Variants in ARHGAP39 observed in about 807,000 individuals in gnomAD.
ARHGAP39 encodes the protein rho GTPase-activating protein 39.
A neutral mutation model predicts 106.9 loss-of-function variants in ARHGAP39; 44 were observed. The observed-to-expected ratio is 0.41, with a 90% CI of 0.32 to 0.53. ARHGAP39 has a LOEUF of 0.53. ARHGAP39 is among the 20% of genes least tolerant of loss of function. ARHGAP39 has a pLI of 0.21. For synonymous variants in ARHGAP39, 768 were observed against 693.2 expected (o/e 1.11, Z -1.69); for missense variants, 1,496 against 1,577.3 (o/e 0.95, Z 0.87).
Position 144,529,189 on chromosome 8 carries a change from G to C in ARHGAP39, c.*1233C>G, listed in dbSNP as rs778609369. ...GAACGGGAGGACGCGCAGGGTCCAT[G>C]TGCACTTTATTCACTCGTGTCGTCG... On this transcript the variant is annotated 3_prime_UTR_variant, in exon 12 of 12. Coordinates refer to ENST00000377307, the MANE Select transcript of ARHGAP39 (RefSeq NM_025251.3). 4.8e-5 allele frequency: 18 copies of C among 371,934 alleles called. No individual in the cohort carries two copies. The highest frequency in any genetic ancestry group is 8.7e-5 in the Non-Finnish European group (18 of 207,700). The allele number at this position is 371,934 out of a possible 1,614,324, so 23.0% of individuals were successfully genotyped here. A position where few individuals can be genotyped will look rare whatever the true frequency, so the allele number is the denominator to read the frequency against.
rs1305046044 is a variant in ARHGAP39, at chr8:144,644,009, T to C, written c.-81-38314A>G. Among the ~76,000 whole-genome samples the C allele has an allele frequency of 6.6e-6, 1 of 152,072 alleles. No homozygotes were observed. The highest frequency in any genetic ancestry group is 2.4e-5 in the African/African-American group (1 of 41,388). On this transcript the variant is annotated intron_variant, in intron 1 of 11. Coordinates refer to ENST00000377307, the MANE Select transcript of ARHGAP39 (RefSeq NM_025251.3). This position sits in a 1 kb window ranked among gnomAD's most constrained non-coding sequence, Gnocchi z 4.8. The stretch of plus-strand genomic sequence containing the variant: ...CGTACACTGCAAGTAAGAACTCACT[T>C]TGGAAAACAGTTTGGCAAAAATCTA...
chr8:144,637,726 G>A (rs1821207353), intron 1 of ARHGAP39, among the ~76,000 whole-genome samples: 1 of 151,078 alleles, frequency 6.6e-6, no homozygotes, highest in Non-Finnish European at 1.5e-5. Flanking sequence ...TTTTTTAGAC[G>A]GTCTTGCTCG....
At chr8:144,537,627 CAGA>C in intron 7 of ARHGAP39, 91 bp downstream of exon 7, 2 of 1,111,572 alleles carry the variant, frequency 1.8e-6, no homozygotes, top group East Asian at 2.4e-5. Flanking sequence ...CCCCCCCGCC[CAGA>C]AGCGGTTAGA....
At position 144,548,815 on chromosome 8, in the gene ARHGAP39, CAG is replaced by C. The variant is rs997982011; in HGVS notation, c.597-328_597-327del. ...AATGTGGGTGCTGTGCGGGTGTCTCCAGAGCTGCCTGAGCCGCCGGGCAGGCT... is the reference window on the plus strand; with the variant it reads ...AATGTGGGTGCTGTGCGGGTGTCTCCAGCTGCCTGAGCCGCCGGGCAGGCT... On this transcript the variant is annotated intron_variant, in intron 4 of 11. Coordinates refer to ENST00000377307, the MANE Select transcript of ARHGAP39 (RefSeq NM_025251.3). The surrounding 1 kb of genome is among the most constrained non-coding windows in gnomAD (Gnocchi z 7.4). 1.3e-5 allele frequency among the ~76,000 whole-genome samples: 2 copies of C among 152,196 alleles called. No individual in the cohort carries two copies. The highest frequency in any genetic ancestry group is 1.3e-4 in the Admixed American group (2 of 15,274).
intron 1 of ARHGAP39, among the ~76,000 whole-genome samples, chr8:144,629,698 A>G (rs1054291156): frequency 6.6e-6 from 1 of 152,228 alleles, no homozygotes; most frequent in Non-Finnish European, 1.5e-5. Context: ...GCCTCTGCCC[A>G]GGGGCCTGGG....
chr8:144,607,913 T>C (rs1030191900), intron 1 of ARHGAP39, among the ~76,000 whole-genome samples: 2 of 152,008 alleles, frequency 1.3e-5, no homozygotes, highest in African/African-American at 4.8e-5. Context: ...TCCCAGCACT[T>C]TGGGAGGCCG....
In ARHGAP39 at chr8:144,547,443, C is replaced by T; in HGVS notation, c.1643G>A (p.Gly548Asp). The T allele has an allele frequency of 6.4e-7, 1 of 1,573,846 alleles. No homozygotes were observed. The highest frequency in any genetic ancestry group is 8.6e-7 in the Non-Finnish European group (1 of 1,166,962). ...RAEGEAEGAR[G>D]AAEPFLAQAR... is the part of the protein sequence containing the mutation. ...CTGCGCCAGGAAGGGCTCGGCCGCG[C>T]CCCGCGCCCCTTCGGCCTCACCTTC... is the stretch of plus-strand genomic sequence containing the variant. The change falls in exon 5 of 12, where the codon GGC (glycine) becomes GAC (aspartate). Residue 548 changes from glycine to aspartate, a missense_variant. Around this residue, in one of 4 missense-constraint regions of ARHGAP39, gnomAD observed 905 missense variants for 816.4 expected, o/e 1.11. Transcript: ENST00000377307. This position sits in a 1 kb window ranked among gnomAD's most constrained non-coding sequence, Gnocchi z 5.2.
intron 3 of ARHGAP39, among the ~76,000 whole-genome samples, chr8:144,561,396 T>TTTCCATCACACCCCA (rs1564848376): frequency 6.7e-6 from 1 of 148,236 alleles, no homozygotes; most frequent in African/African-American, 2.5e-5. Context: ...ACCCCAGTGG[T>TTTCCATCACACCCCA]GTCCATCACA....
chr8:144,695,265 G>A, the ARHGAP39 span, among the ~76,000 whole-genome samples: 23 of 141,264 alleles, frequency 1.6e-4, 1 homozygote, highest in South Asian at 2.6e-3. Flanking sequence ...AAGTAGAGAC[G>A]GGGTTTCACC....
At position 144,673,216 on chromosome 8, in the gene ARHGAP39, C is replaced by CAAAAAAA. The variant is rs112112343; in HGVS notation, c.-82+12463_-82+12469dup. ...TGGGTGATAGATTGAGAACCTGTCT[C>CAAAAAAA]AAAAAAAAAAAGAGGAAGAAAGAAA... is the stretch of plus-strand genomic sequence containing the variant. On this transcript the variant is annotated intron_variant, in intron 1 of 11. Transcript: ENST00000377307. Among the ~76,000 whole-genome samples, 3,102 of 141,270 alleles carry CAAAAAAA rather than the reference C, an allele frequency of 0.022. 170 individuals carry two copies. The East Asian group carries it at 0.22, about 10-fold the overall frequency. The allele number at this position is 141,270 out of a possible 152,430, so 92.7% of individuals were successfully genotyped here.
chr8:144,577,211 A>G (rs748635698), intron 3 of ARHGAP39, among the ~76,000 whole-genome samples: 2 of 152,226 alleles, frequency 1.3e-5, no homozygotes, highest in African/African-American at 2.4e-5. Context: ...GAAAGCCCAC[A>G]GGGAGGTTCC....
intron 1 of ARHGAP39, among the ~76,000 whole-genome samples, chr8:144,682,573 C>A (rs935968303): frequency 2.7e-5 from 4 of 148,074 alleles, no homozygotes; most frequent in African/African-American, 1.0e-4. Flanking sequence ...AAAAAAAATT[C>A]TTACTTCTCA....
intron 3 of ARHGAP39, among the ~76,000 whole-genome samples, chr8:144,556,617 A>C (rs372936731): frequency 1.3e-5 from 2 of 149,498 alleles, no homozygotes; most frequent in African/African-American, 4.9e-5. Flanking sequence ...CTGAACCTTC[A>C]TAGTATTCAG....
rs1817507044 is a variant in ARHGAP39, at chr8:144,547,709, G to A, written c.1377C>T (p.Ser459=). 1 of 1,590,058 alleles carries A rather than the reference G, an allele frequency of 6.3e-7. No homozygotes were observed. The highest frequency in any genetic ancestry group is 1.3e-5 in the African/African-American group (1 of 74,872). Residue 459 remains serine, a synonymous_variant, in exon 5 of 12, where the codon AGC becomes AGT. Transcript: ENST00000377307. This position sits in a 1 kb window ranked among gnomAD's most constrained non-coding sequence, Gnocchi z 5.2. ...STMEGPELRH[S]QPPTPLPQAQ... Reference sequence around the variant, plus strand: ...CCTGTGGCAGCGGCGTGGGCGGCTGGCTGTGCCGCAGCTCAGGTCCCTCCA... The same window carrying A: ...CCTGTGGCAGCGGCGTGGGCGGCTGACTGTGCCGCAGCTCAGGTCCCTCCA...
chr8:144,651,010 G>A (rs1391538674), intron 1 of ARHGAP39, among the ~76,000 whole-genome samples: 1 of 152,136 alleles, frequency 6.6e-6, no homozygotes, highest in Non-Finnish European at 1.5e-5. Flanking sequence ...CATCGTCTCA[G>A]CCCAAAAGCT....
Position 144,548,245 on chromosome 8 carries a change from G to C in ARHGAP39, c.841C>G (p.Leu281Val), listed in dbSNP as rs1409633089. ...AGCAGCGGGGAGCTGCTCCCTGGGAGCTCGGCCCTCTTCAGGAAGGGTGAC... is the reference window on the plus strand; with the variant it reads ...AGCAGCGGGGAGCTGCTCCCTGGGACCTCGGCCCTCTTCAGGAAGGGTGAC... ...RPSPFLKRAE[L>V]PGSSSPLLAQ... The change falls in exon 5 of 12, where the codon CTC (leucine) becomes GTC (valine). Residue 281 changes from leucine to valine, a missense_variant. Physicochemically the swap from Leu to Val is conservative, Grantham distance 32. This residue lies in a region of ARHGAP39 where 905 missense variants were observed against 816.4 expected (regional missense o/e 1.11). Coordinates refer to ENST00000377307, the MANE Select transcript of ARHGAP39 (RefSeq NM_025251.3). The surrounding 1 kb of genome is among the most constrained non-coding windows in gnomAD (Gnocchi z 7.4). The C allele has an allele frequency of 6.2e-7, 1 of 1,608,692 alleles. No individual in the cohort carries two copies. Among genetic ancestry groups the C allele is most frequent in the Non-Finnish European group, 8.5e-7 (1 of 1,177,716 alleles).
chr8:144,576,083 G>C (rs1346706751), intron 3 of ARHGAP39, among the ~76,000 whole-genome samples: 1 of 152,122 alleles, frequency 6.6e-6, no homozygotes, highest in Non-Finnish European at 1.5e-5. Context: ...CTGTAATCCA[G>C]CACTTTGGGA....
chr8:144,598,087 G>A (rs556856475), intron 2 of ARHGAP39, among the ~76,000 whole-genome samples: 147 of 152,372 alleles, frequency 9.6e-4, no homozygotes, highest in Non-Finnish European at 1.5e-3. Context: ...TAGGAGCTCC[G>A]TGGTGGGGAA....
intron 2 of ARHGAP39, among the ~76,000 whole-genome samples, chr8:144,602,973 G>A (rs1217980884): frequency 7.1e-6 from 1 of 140,510 alleles, no homozygotes; most frequent in South Asian, 2.2e-4. Flanking sequence ...GTGCGTGCGA[G>A]CTCGTGTACC....
Sources: gnomAD v4.1 joint callset for allele counts (sites outside exome capture counted in the v4.1 genomes callset) on GRCh38, gnomAD v4.1.1 for gene constraint, gnomAD v4.1.1 regional missense constraint, Gnocchi (gnomAD v3.1) non-coding constraint, MANE v1.5 for transcripts, NCBI Gene and HGNC (gene_info 2026-07-23, HGNC 2026-07-21) for gene names.